Variants in IQSEC1 observed in about 807,000 individuals in gnomAD.
The protein encoded by IQSEC1 is IQ motif and Sec7 domain ArfGEF 1, also known as IQ motif and SEC7 domain-containing protein 1.
IQSEC1 carries 31 observed loss-of-function variants against 91.0 expected under a neutral mutation model. The observed-to-expected ratio is 0.34, with a 90% CI of 0.26 to 0.46. The LOEUF is 0.46. Among genes scored for constraint, IQSEC1 ranks in the 20% least tolerant of loss-of-function variants. The pLI is 1.00. For synonymous variants in IQSEC1, 699 were observed against 662.6 expected (o/e 1.05, Z -0.84); for missense variants, 1,388 against 1,575.6 (o/e 0.88, Z 2.02).
intron 1 of IQSEC1, among the ~76,000 whole-genome samples, chr3:13,205,264 A>G (rs1559277206): frequency 6.6e-6 from 1 of 151,994 alleles, no homozygotes; most frequent in Non-Finnish European, 1.5e-5. Context: ...CCTAAACCAC[A>G]AGGAACCATT....
In IQSEC1 at chr3:12,950,358, C is replaced by T. The variant is rs191388386; in HGVS notation, c.24-8493G>A. 3.9e-4 allele frequency among the ~76,000 whole-genome samples: 60 copies of T among 152,286 alleles called. No individual in the cohort carries two copies. In the East Asian group the frequency reaches 8.9e-3, roughly 23 times the overall value. ...AAAGAAATGGACCTCAAAGGAAAAC[C>T]GAATGTGCAAAGAAGGGACATAAAG... On this transcript the variant is annotated intron_variant, in intron 1 of 13. Transcript: ENST00000613206.
intron 1 of IQSEC1, among the ~76,000 whole-genome samples, chr3:13,180,253 C>G (rs1430299277): frequency 1.3e-5 from 2 of 152,204 alleles, no homozygotes; most frequent in African/African-American, 4.8e-5. Context: ...CACTCTGTAT[C>G]TAGCTCAAGG....
intron 1 of IQSEC1, among the ~76,000 whole-genome samples, chr3:13,256,184 T>C (rs1695281984): frequency 6.6e-6 from 1 of 152,208 alleles, no homozygotes; most frequent in Non-Finnish European, 1.5e-5. Context: ...TCTGGGATGC[T>C]GAGTCTAGAG....
chr3:13,100,063 A>G lies in IQSEC1; in HGVS notation c.303-52541T>C, dbSNP rs1324256675. 1.4e-5 allele frequency among the ~76,000 whole-genome samples: 2 copies of G among 146,342 alleles called. 1 individual carries two copies. The highest frequency in any genetic ancestry group is 3.0e-5 in the Non-Finnish European group (2 of 66,394). On this transcript the variant is annotated intron_variant, in intron 2 of 15. Coordinates refer to the IQSEC1 transcript ENST00000648114. The stretch of plus-strand genomic sequence containing the variant: ...CCTTGGGAGAGTTCCGAGTAGGAGG[A>G]TGGGAGGAGTCCGCTGGATTTGTGC...
At chr3:13,247,217 T>C (rs1160471347) in intron 1 of IQSEC1, among the ~76,000 whole-genome samples, 1 of 152,120 alleles carries the variant, frequency 6.6e-6, no homozygotes, top group Non-Finnish European at 1.5e-5. Context: ...AGTTACCTAA[T>C]AGATGTGCCT....
intron 1 of IQSEC1, among the ~76,000 whole-genome samples, chr3:13,255,377 C>T (rs2125122093): frequency 6.6e-6 from 1 of 152,284 alleles, no homozygotes; most frequent in East Asian, 1.9e-4. Flanking sequence ...AGGTGTATTG[C>T]TATGGATGGG....
At chr3:13,098,655 T>G (rs1706004644) in intron 2 of IQSEC1, among the ~76,000 whole-genome samples, 1 of 152,082 alleles carries the variant, frequency 6.6e-6, no homozygotes, top group Admixed American at 6.6e-5. Context: ...GGAAAATGGA[T>G]GGCTAAAAAT....
chr3:13,062,992 G>A (rs1705118562), intron 1 of IQSEC1, among the ~76,000 whole-genome samples: 2 of 152,246 alleles, frequency 1.3e-5, no homozygotes, highest in African/African-American at 2.4e-5. Flanking sequence ...GCAAGGTCAC[G>A]CCATGGGATA....
chr3:13,061,294 C>A (rs987995439), intron 1 of IQSEC1, among the ~76,000 whole-genome samples: 11 of 152,150 alleles, frequency 7.2e-5, no homozygotes, highest in African/African-American at 2.7e-4. Flanking sequence ...GGTTTCCCCT[C>A]CTTGAGATGC....
intron 1 of IQSEC1, among the ~76,000 whole-genome samples, chr3:13,248,521 C>T (rs1695143478): frequency 6.6e-6 from 1 of 152,158 alleles, no homozygotes; most frequent in African/African-American, 2.4e-5. Flanking sequence ...TGGTCCTCTC[C>T]CCACTCCAAG....
At chr3:13,141,105 GCTGA>G (rs1017000225) in intron 2 of IQSEC1, among the ~76,000 whole-genome samples, 3 of 152,210 alleles carry the variant, frequency 2.0e-5, no homozygotes, top group Non-Finnish European at 2.9e-5. Context: ...CGGAAAATCC[GCTGA>G]CTATGTTTTC....
chr3:13,064,420 GA>G (rs1005068484), intron 1 of IQSEC1, among the ~76,000 whole-genome samples: 20 of 150,850 alleles, frequency 1.3e-4, no homozygotes, highest in African/African-American at 3.4e-4. Context: ...AAATTACAGA[GA>G]AAAAAAAAGA....
At position 12,978,515 on chromosome 3, in the gene IQSEC1, G is replaced by A. The variant is rs190527899; in HGVS notation, c.24-36650C>T. Among the ~76,000 whole-genome samples the A allele has an allele frequency of 3.4e-3, 510 of 151,984 alleles. 5 individuals are homozygous for A. The highest frequency in any genetic ancestry group is 0.012 in the African/African-American group (483 of 41,422). ...AGTTCGAGACCAGCCTGGCCAATAC[G>A]GTGAAACCCCGTCTCTACTAAAATA... On this transcript the variant is annotated intron_variant, in intron 1 of 13. Coordinates refer to ENST00000613206, the MANE Select transcript of IQSEC1 (RefSeq NM_001134382.3).
Position 12,936,175 on chromosome 3 carries a change from C to G in IQSEC1, c.841G>C (p.Glu281Gln). Residue 281 changes from glutamate (E) to glutamine (Q), a missense_variant, in exon 3 of 14, where the codon GAG (glutamate) becomes CAG (glutamine). Physicochemically the swap from Glu to Gln is conservative, Grantham distance 29. Transcript: ENST00000613206. ...LHGMDHRKLD[E>Q]MTASYSDVTL... ...ACATCACTGTACGAGGCCGTCATCT[C>G]GTCCAGTTTGCGGTGGTCCATGCCG... 1 of 1,612,934 alleles carries G rather than the reference C, an allele frequency of 6.2e-7. No homozygotes were observed. The highest frequency in any genetic ancestry group is 8.5e-7 in the Non-Finnish European group (1 of 1,179,962).
intron 2 of IQSEC1, among the ~76,000 whole-genome samples, chr3:13,117,569 CAAAAAAAAAAAAAAA>C (rs34002295): frequency 4.2e-4 from 4 of 9,446 alleles, no homozygotes; most frequent in East Asian, 4.6e-3. Flanking sequence ...GACTCCGTCT[CAAAAAAAAAAAAAAA>C]AAAAAAAAAA....
intron 1 of IQSEC1, among the ~76,000 whole-genome samples, chr3:13,233,868 C>T (rs1694875662): frequency 6.6e-6 from 1 of 152,136 alleles, no homozygotes; most frequent in African/African-American, 2.4e-5. Flanking sequence ...CTCTCTGTGC[C>T]CTGTAACATG....
chr3:13,103,490 C>A lies in IQSEC1; in HGVS notation c.303-55968G>T, dbSNP rs914679211. Among the ~76,000 whole-genome samples the A allele has an allele frequency of 6.6e-6, 1 of 151,998 alleles. No homozygotes were observed. Among genetic ancestry groups the A allele is most frequent in the South Asian group, 2.1e-4 (1 of 4,814 alleles). ...GTCACTGGAAGAGCTGGCCGTGCTGCCTGGATGCCATCCACACCTGTCCCC... is the reference window on the plus strand; with the variant it reads ...GTCACTGGAAGAGCTGGCCGTGCTGACTGGATGCCATCCACACCTGTCCCC... On this transcript the variant is annotated intron_variant, in intron 2 of 15. Transcript: ENST00000648114. The surrounding 1 kb of genome is among the most constrained non-coding windows in gnomAD (Gnocchi z 4.1).
At chr3:12,945,400 A>ACC (rs1699114841) in intron 1 of IQSEC1, among the ~76,000 whole-genome samples, 1 of 151,968 alleles carries the variant, frequency 6.6e-6, no homozygotes, top group Non-Finnish European at 1.5e-5. Context: ...TCCATCCTGG[A>ACC]GCCAGGGTCC....
intron 1 of IQSEC1, among the ~76,000 whole-genome samples, chr3:13,042,867 G>A (rs879429099): frequency 2.0e-5 from 3 of 152,190 alleles, no homozygotes; most frequent in Admixed American, 2.0e-4. Flanking sequence ...GACCCAGGGA[G>A]AGCAGGTAGG....
Sources: allele counts gnomAD v4.1 joint callset (sites outside exome capture counted in the v4.1 genomes callset), GRCh38; gene constraint gnomAD v4.1.1; non-coding constraint Gnocchi (gnomAD v3.1); transcripts MANE v1.5; gene names NCBI Gene and HGNC (gene_info 2026-07-23, HGNC 2026-07-21).